SEC14L3: variants seen among roughly 807,000 people sequenced by gnomAD.
SEC14L3 encodes the protein SEC14-like protein 3.
In SEC14L3, 56 loss-of-function variants were observed where a neutral mutation model predicts 57.4. The ratio of observed to expected loss-of-function variants is 0.97; its 90% CI spans 0.79 to 1.22. The LOEUF (loss-of-function observed/expected upper bound fraction) is 1.22. SEC14L3 is among the 50% of genes most tolerant of loss of function. The pLI, the probability that SEC14L3 is intolerant of heterozygous loss-of-function variation, is 0.00. For synonymous variants in SEC14L3, 173 were observed against 194.4 expected, an observed-to-expected ratio of 0.89 and a Z score of 0.92; for missense variants, 485 against 511.7, an observed-to-expected ratio of 0.95 and a Z score of 0.50.
Position 30,470,002 on chromosome 22 carries a change from T to C in SEC14L3, c.234+17A>G, listed in dbSNP as rs761957517. Reference sequence around the variant, plus strand: ...TACGTCCGTGAAAGACTGAGGTGTTTGGCGGTGTTGGCTCACCTCTGGGGG... The same window carrying C: ...TACGTCCGTGAAAGACTGAGGTGTTCGGCGGTGTTGGCTCACCTCTGGGGG... On this transcript the variant is annotated intron_variant, in intron 4 of 11. Coordinates refer to ENST00000215812, the MANE Select transcript of SEC14L3 (RefSeq NM_174975.5). The C allele has an allele frequency of 1.4e-5, 22 of 1,524,344 alleles. No individual in the cohort carries two copies. The South Asian group carries it at 1.8e-4, about 13-fold the overall frequency. The allele number at this position is 1,524,344 out of a possible 1,614,324, so 94.4% of individuals were successfully genotyped here.
chr22:30,471,367 T>C, intron 1 of SEC14L3: 3 of 435,484 alleles, frequency 6.9e-6, no homozygotes, highest in South Asian at 5.0e-5. Flanking sequence ...CTTAGTTCCC[T>C]CCATGTGTTA....
rs1294721961 is a variant in SEC14L3, at chr22:30,462,179, T to C, written c.678A>G (p.Glu226=). 2 of 1,613,056 alleles carry C rather than the reference T, an allele frequency of 1.2e-6. No individual in the cohort carries two copies. Among genetic ancestry groups the C allele is most frequent in the East Asian group, 4.5e-5 (2 of 44,882 alleles). The change falls in exon 9 of 12, where the codon GAA becomes GAG. Residue 226 remains glutamate, a synonymous_variant. Coordinates refer to ENST00000215812, the MANE Select transcript of SEC14L3 (RefSeq NM_174975.5). ...CAGGACTGATGAGTTTCAGCAAACC[T>C]TCCTTCCAGTTATCTGGGAGCAGTG... ...KIIVLGNNWK[E]GLLKLISPEE... is the part of the protein sequence containing the mutation.
chr22:30,454,275 C>T (rs982784277), downstream of SEC14L3, among the ~76,000 whole-genome samples: 3 of 151,968 alleles, frequency 2.0e-5, no homozygotes, highest in Non-Finnish European at 4.4e-5. Flanking sequence ...AGCCATCCTG[C>T]CCTCTCTGCA....
chr22:30,462,103 G>A lies in SEC14L3; in HGVS notation c.754C>T (p.Pro252Ser), dbSNP rs768663072. ...GGTLTDPDGN[P>S]KCLTKINYGG... ...CTTTGTACCTTGGTTAAACATTTGG[G>A]GTTCCCATCTGGGTCAGTCAGGGTG... The change falls in exon 9 of 12, where the codon CCC becomes TCC. Residue 252 changes from proline to serine, a missense_variant. By Grantham distance (74) the Pro-to-Ser change is moderately conservative (BLOSUM62 -1). Transcript: ENST00000215812. The A allele has an allele frequency of 6.2e-7, 1 of 1,614,066 alleles. No homozygotes were observed. Among genetic ancestry groups the A allele is most frequent in the South Asian group, 1.1e-5 (1 of 91,052 alleles).
At chr22:30,468,813 C>T in intron 4 of SEC14L3, 117 bp from the exon 5 acceptor site, 1 of 1,588,460 alleles carries the variant, frequency 6.3e-7, no homozygotes, top group Non-Finnish European at 8.6e-7. Flanking sequence ...CACTGTCCCT[C>T]CCTGGAAGAC....
exon 13 of SEC14L3, chr22:30,448,993 C>T (rs746652765): frequency 5.9e-6 from 7 of 1,196,114 alleles, no homozygotes; most frequent in Admixed American, 2.0e-5. Flanking sequence ...CATGGCAAGG[C>T]GGTCAGGAGC....
chr22:30,471,364 C>G, intron 1 of SEC14L3: 1 of 440,534 alleles, frequency 2.3e-6, no homozygotes, highest in Non-Finnish European at 4.5e-6. Context: ...ATTCTTAGTT[C>G]CCTCCATGTG....
In SEC14L3 at chr22:30,459,914, G is replaced by A. The variant is rs117484113; in HGVS notation, c.*107C>T. On this transcript the variant is annotated 3_prime_UTR_variant, in exon 12 of 12. Coordinates refer to ENST00000215812, the MANE Select transcript of SEC14L3 (RefSeq NM_174975.5). ...GGCATCTCTTTCTGTACTCACTAACGTCACAGAGTCAGGAGGACTAACAAT... is the reference window on the plus strand; with the variant it reads ...GGCATCTCTTTCTGTACTCACTAACATCACAGAGTCAGGAGGACTAACAAT... 0.018 allele frequency: 26,716 copies of A among 1,495,252 alleles called. 381 individuals are homozygous for A. The highest frequency in any genetic ancestry group is 0.05 in the Middle Eastern group (269 of 5,362). 92.6% of individuals were successfully genotyped at this position (1,495,252 alleles called of 1,614,324 possible). A position where few individuals can be genotyped will look rare whatever the true frequency, so the allele number is the denominator to read the frequency against.
intron 12 of SEC14L3, among the ~76,000 whole-genome samples, chr22:30,451,337 C>T (rs1208467940): frequency 6.6e-6 from 1 of 152,058 alleles, no homozygotes; most frequent in Non-Finnish European, 1.5e-5. Flanking sequence ...TGGACACTGA[C>T]CTTAAGCCTC....
At position 30,469,813 on chromosome 22, in the gene SEC14L3, AT is replaced by A. The variant is rs1246638109; in HGVS notation, c.234+205del. Among the ~76,000 whole-genome samples, 8 of 152,302 alleles carry A rather than the reference AT, an allele frequency of 5.3e-5. No individual in the cohort carries two copies. In the East Asian group the frequency reaches 1.5e-3, roughly 29 times the overall value. On this transcript the variant is annotated intron_variant, in intron 4 of 11. Coordinates refer to ENST00000215812, the MANE Select transcript of SEC14L3 (RefSeq NM_174975.5). ...GACAATAGCATCCATCATTGTGATG[AT>A]TAAAGAAGCTCATGCTGCTAACATC...
At chr22:30,451,991 C>CAAAAAAAAAAAAAAAA (rs34799395) in intron 12 of SEC14L3, among the ~76,000 whole-genome samples, 4 of 33,778 alleles carry the variant, frequency 1.2e-4, no homozygotes, top group African/African-American at 1.5e-4. Context: ...GACTCCATCT[C>CAAAAAAAAAAAAAAAA]AAAAAAAAAA....
intron 1 of SEC14L3, among the ~76,000 whole-genome samples, chr22:30,471,431 T>TA (rs1313722946): frequency 6.6e-6 from 1 of 152,202 alleles, no homozygotes; most frequent in Non-Finnish European, 1.5e-5. Flanking sequence ...ACATGGTTAA[T>TA]AATTATATGT....
intron 12 of SEC14L3, among the ~76,000 whole-genome samples, chr22:30,450,186 G>A (rs1934954007): frequency 6.6e-6 from 1 of 152,216 alleles, no homozygotes; most frequent in African/African-American, 2.4e-5. Flanking sequence ...GGTAGCGGGG[G>A]CATGGAGTCC....
At chr22:30,450,761 G>A (rs1168025645) in intron 12 of SEC14L3, among the ~76,000 whole-genome samples, 2 of 152,232 alleles carry the variant, frequency 1.3e-5, no homozygotes, top group Non-Finnish European at 2.9e-5. Context: ...TGGAAGCTGG[G>A]TAATAGGGGG....
At chr22:30,453,284 C>T (rs1601808428) in intron 12 of SEC14L3, among the ~76,000 whole-genome samples, 1 of 152,134 alleles carries the variant, frequency 6.6e-6, no homozygotes, top group African/African-American at 2.4e-5. Context: ...AGGTTGATAC[C>T]TCTTTTGCAT....
chr22:30,468,502 C>G lies in SEC14L3; in HGVS notation c.423+6G>C. On this transcript the variant is annotated splice_donor_region_variant and intron_variant, in intron 5 of 11. Transcript: ENST00000215812. ...AGCCATCCACCCCACCTGGCCTGGA[C>G]CTCACCCTCTCTGTCTGCAGGTCAC... The G allele has an allele frequency of 6.2e-7, 1 of 1,607,454 alleles. No individual in the cohort carries two copies. Among genetic ancestry groups the G allele is most frequent in the Non-Finnish European group, 8.5e-7 (1 of 1,174,962 alleles).
At chr22:30,455,105 T>A (rs780722566), downstream of SEC14L3, among the ~76,000 whole-genome samples, 87 of 39,688 alleles carry the variant, frequency 2.2e-3, 2 homozygotes, top group African/African-American at 0.011. Context: ...ATAATATATT[T>A]AATATTTAAT....
chr22:30,460,659 C>T (rs1733909363), intron 11 of SEC14L3, among the ~76,000 whole-genome samples: 1 of 143,890 alleles, frequency 6.9e-6, no homozygotes, highest in South Asian at 2.3e-4. Flanking sequence ...CATGGAGAAA[C>T]CCCATCTCTA....
chr22:30,466,361 T>A lies in SEC14L3; in HGVS notation c.553A>T (p.Thr185Ser). The stretch of plus-strand genomic sequence containing the variant: ...TTCACGATGAGCATGAACTTCAGGG[T>A]CTCTGGGTAATTCTCTTCAAGGAGG... The part of the protein sequence containing the change: ...FGLLEENYPE[T>S]LKFMLIVKAT... The change falls in exon 7 of 12, where the codon ACC (threonine) becomes TCC (serine). Residue 185 changes from threonine to serine, a missense_variant. By Grantham distance (58) the Thr-to-Ser change is moderately conservative. Coordinates refer to ENST00000215812, the MANE Select transcript of SEC14L3 (RefSeq NM_174975.5). 6.2e-7 allele frequency: 1 copy of A among 1,614,050 alleles called. No homozygotes were observed. The highest frequency in any genetic ancestry group is 2.2e-5 in the East Asian group (1 of 44,868).
Sources: gnomAD v4.1 joint callset for allele counts (sites outside exome capture counted in the v4.1 genomes callset) on GRCh38, gnomAD v4.1.1 for gene constraint, MANE v1.5 for transcripts, NCBI Gene and HGNC (gene_info 2026-07-23, HGNC 2026-07-21) for gene names.